The following MYO5B variants were observed in gnomAD, a reference collection of about 807,000 sequenced individuals.
MYO5B encodes the protein unconventional myosin-Vb.
MYO5B carries 143 observed loss-of-function variants against 229.3 expected under a neutral mutation model. The observed-to-expected ratio is 0.62, with a 90% CI of 0.54 to 0.72. The LOEUF (loss-of-function observed/expected upper bound fraction) is 0.72, where lower values mean the gene tolerates loss of function less well. MYO5B is among the 30% of genes least tolerant of loss of function. The probability of loss-of-function intolerance (pLI) is 0.00; values close to 1 mark genes in which losing one functional copy is unlikely to be tolerated. For synonymous variants in MYO5B, 918 were observed against 885.2 expected, an observed-to-expected ratio of 1.04 and a Z score of -0.66; for missense variants, 2,321 against 2,331.0, an observed-to-expected ratio of 1.00 and a Z score of 0.09.
intron 36 of MYO5B, among the ~76,000 whole-genome samples, chr18:49,838,361 G>C (rs936911977): frequency 6.6e-6 from 1 of 152,304 alleles, no homozygotes; most frequent in Non-Finnish European, 1.5e-5. Flanking sequence ...TCTGACTCCA[G>C]AACTGCTGCT....
intron 4 of MYO5B, among the ~76,000 whole-genome samples, chr18:50,032,528 G>C (rs2026401179): frequency 6.6e-6 from 1 of 152,190 alleles, no homozygotes; most frequent in South Asian, 2.1e-4. Flanking sequence ...CAATGTGGTA[G>C]CATGTATCAG....
intron 10 of MYO5B, 71 bp downstream of exon 10, chr18:49,974,279 T>C: frequency 6.2e-7 from 1 of 1,606,116 alleles, no homozygotes; most frequent in African/African-American, 1.3e-5. Context: ...CCAATGCCCC[T>C]GCTGGCTGTA....
chr18:49,877,147 A>C (rs977330416), intron 25 of MYO5B, among the ~76,000 whole-genome samples: 10 of 152,124 alleles, frequency 6.6e-5, no homozygotes, highest in Non-Finnish European at 1.5e-4. Flanking sequence ...ACACGCGCGC[A>C]TGTGCCTGTG....
At chr18:50,067,284 G>A (rs551909811) in intron 1 of MYO5B, among the ~76,000 whole-genome samples, 2 of 152,278 alleles carry the variant, frequency 1.3e-5, no homozygotes, top group South Asian at 4.2e-4. Context: ...TGGGAAGATC[G>A]GTTATATTTC....
chr18:50,086,060 TATAATA>T (rs371215423), intron 1 of MYO5B, among the ~76,000 whole-genome samples: 2 of 151,996 alleles, frequency 1.3e-5, no homozygotes, highest in African/African-American at 4.8e-5. Context: ...AAACTTAAAG[TATAATA>T]ATAATAAAAT....
intron 17 of MYO5B, among the ~76,000 whole-genome samples, chr18:49,918,215 A>G (rs1483502438): frequency 1.3e-5 from 2 of 152,222 alleles, no homozygotes; most frequent in African/African-American, 4.8e-5. Flanking sequence ...CCTGCTTGCA[A>G]GGGCCCCAAT....
At chr18:49,861,571 G>C (rs2024329899) in intron 29 of MYO5B, among the ~76,000 whole-genome samples, 1 of 152,062 alleles carries the variant, frequency 6.6e-6, no homozygotes, top group South Asian at 2.1e-4. Context: ...CCTCCTTTAG[G>C]GAAAAGAATT....
Position 49,875,840 on chromosome 18 carries a change from AC to A in MYO5B, c.3397-14del, listed in dbSNP as rs1395363655. The A allele has an allele frequency of 6.2e-7, 1 of 1,614,052 alleles. No individual in the cohort carries two copies. The highest frequency in any genetic ancestry group is 8.5e-7 in the Non-Finnish European group (1 of 1,180,004). Reference sequence around the variant, plus strand: ...CCAGGCCAATTTCCTTCAAAGGAAGACAGGCACAGAAAAAAGGTTTTCCTAA... The same window carrying A: ...CCAGGCCAATTTCCTTCAAAGGAAGAAGGCACAGAAAAAAGGTTTTCCTAA... On this transcript the variant is annotated splice_polypyrimidine_tract_variant and intron_variant, in intron 25 of 39. Transcript: ENST00000285039.
chr18:49,957,540 G>A (rs531458443), intron 12 of MYO5B, among the ~76,000 whole-genome samples: 1 of 152,238 alleles, frequency 6.6e-6, no homozygotes, highest in African/African-American at 2.4e-5. Flanking sequence ...CAGCTACTGG[G>A]GAGACTAAGG....
At chr18:50,030,557 C>T (rs546689753) in intron 4 of MYO5B, among the ~76,000 whole-genome samples, 3 of 152,202 alleles carry the variant, frequency 2.0e-5, no homozygotes, top group Admixed American at 2.0e-4. Context: ...GCAAGAGACC[C>T]TCCTCCAAGA....
intron 4 of MYO5B, among the ~76,000 whole-genome samples, chr18:50,020,605 A>G (rs950461886): frequency 6.6e-6 from 1 of 152,170 alleles, no homozygotes; most frequent in Non-Finnish European, 1.5e-5. Context: ...AATGACCACA[A>G]CAGTGAGGGG....
intron 34 of MYO5B, 126 bp downstream of exon 34, chr18:49,843,115 T>C: frequency 2.4e-6 from 3 of 1,256,196 alleles, no homozygotes; most frequent in Non-Finnish European, 3.4e-6. Context: ...CTGTGGCTCA[T>C]TTACCTTCAA....
chr18:50,003,488 C>T (rs2144330440), intron 4 of MYO5B, among the ~76,000 whole-genome samples: 1 of 152,298 alleles, frequency 6.6e-6, no homozygotes, highest in South Asian at 2.1e-4. Context: ...CGCCTCTTCT[C>T]ATTTAATTTT....
At chr18:49,920,104 C>T (rs922905547) in intron 17 of MYO5B, among the ~76,000 whole-genome samples, 3 of 152,172 alleles carry the variant, frequency 2.0e-5, no homozygotes, top group Admixed American at 6.5e-5. Context: ...AAAATCCAAA[C>T]TAGGCAAATC....
At chr18:50,092,864 A>T (rs1426520502) in intron 1 of MYO5B, among the ~76,000 whole-genome samples, 1 of 152,200 alleles carries the variant, frequency 6.6e-6, no homozygotes, top group Non-Finnish European at 1.5e-5. Context: ...CTTTTTTCAA[A>T]AATTTAAAAC....
intron 1 of MYO5B, among the ~76,000 whole-genome samples, chr18:50,111,996 C>A (rs909551647): frequency 6.6e-6 from 1 of 152,120 alleles, no homozygotes; most frequent in African/African-American, 2.4e-5. Flanking sequence ...GAGGTCACAT[C>A]CTAGTGGGGG....
chr18:50,037,216 A>AACAC lies in MYO5B; in HGVS notation c.311-226_311-223dup, dbSNP rs141553304. ...AAGCATACACACATACACACACACA[A>AACAC]ACACACACACACACACACACTCACT... On this transcript the variant is annotated intron_variant, in intron 3 of 39. Transcript: ENST00000285039. Among the ~76,000 whole-genome samples the AACAC allele has an allele frequency of 9.5e-5, 14 of 146,632 alleles. No homozygotes were observed. In the East Asian group the frequency reaches 2.0e-3, roughly 21 times the overall value.
At chr18:50,076,814 T>C (rs2031088985) in intron 1 of MYO5B, among the ~76,000 whole-genome samples, 1 of 152,082 alleles carries the variant, frequency 6.6e-6, no homozygotes, top group African/African-American at 2.4e-5. Context: ...TCGGGTGAAG[T>C]AATGTCCAGC....
At chr18:49,957,553 G>A (rs1302785999) in intron 12 of MYO5B, among the ~76,000 whole-genome samples, 1 of 152,084 alleles carries the variant, frequency 6.6e-6, no homozygotes, top group East Asian at 1.9e-4. Flanking sequence ...GACTAAGGCA[G>A]GAGGATCGCT....
Sources: gnomAD v4.1 joint callset for allele counts (sites outside exome capture counted in the v4.1 genomes callset) on GRCh38, gnomAD v4.1.1 for gene constraint, MANE v1.5 for transcripts, NCBI Gene and HGNC (gene_info 2026-07-23, HGNC 2026-07-21) for gene names.